RAB33A: variants seen among roughly 807,000 people sequenced by gnomAD.
RAB33A encodes the protein RAB33A, member RAS oncogene family.
RAB33A carries 6 observed loss-of-function variants against 12.0 expected under a neutral mutation model. The ratio of observed to expected loss-of-function variants is 0.50; its 90% CI spans 0.27 to 0.99. RAB33A has a LOEUF of 0.99. RAB33A is among the 50% of genes least tolerant of loss of function. The pLI, the probability that RAB33A is intolerant of heterozygous loss-of-function variation, is 0.11. For missense variants in RAB33A, 109 were observed against 192.0 expected, an observed-to-expected ratio of 0.57 and a Z score of 2.55; for synonymous variants, 70 against 82.4, an observed-to-expected ratio of 0.85 and a Z score of 0.81.
chrX:130,184,389 G>T lies in RAB33A; in HGVS notation c.363G>T (p.Lys121Asn). Reference sequence around the variant, plus strand: ...TGGTCTTCGTCTATGACGTCACCAAGATGACATCTTTCACCAACCTCAAAA... The same window carrying T: ...TGGTCTTCGTCTATGACGTCACCAATATGACATCTTTCACCAACCTCAAAA... Reference protein sequence around the residue: ...HAVVFVYDVTKMTSFTNLKMW... With the variant: ...HAVVFVYDVTNMTSFTNLKMW... The change falls in exon 2 of 2, where the codon AAG becomes AAT. Residue 121 changes from lysine (K) to asparagine (N), a missense_variant. Physicochemically the swap from Lys to Asn is moderately conservative, Grantham distance 94 (BLOSUM62 0). Transcript: ENST00000257017. The T allele has an allele frequency of 1.7e-6, 2 of 1,211,730 alleles. No individual in the cohort carries two copies. The highest frequency in any genetic ancestry group is 2.2e-6 in the Non-Finnish European group (2 of 895,289).
the RAB33A span, chrX:130,149,363 T>C: frequency 1.7e-5 from 11 of 652,988 alleles, no homozygotes; most frequent in Non-Finnish European, 2.8e-5. Flanking sequence ...TGCAATCTCA[T>C]ACCACCATTG....
chrX:130,180,547 C>T (rs929406483), intron 1 of RAB33A, among the ~76,000 whole-genome samples: 4 of 111,039 alleles, frequency 3.6e-5, no homozygotes, highest in Admixed American at 1.9e-4. Context: ...CTCCGTCTTC[C>T]GGGCTCATGC....
At chrX:130,180,433 T>A (rs1432814619) in intron 1 of RAB33A, among the ~76,000 whole-genome samples, 1 of 110,963 alleles carries the variant, frequency 9.0e-6, no homozygotes, top group African/African-American at 3.3e-5. Context: ...GCCACTATAC[T>A]CAGACTCCAA....
At chrX:130,135,438 T>TA in the RAB33A span, among the ~76,000 whole-genome samples, 254 of 22,999 alleles carry the variant, frequency 0.011, no homozygotes, top group East Asian at 0.029. Flanking sequence ...CTTTTTTTTT[T>TA]TAAAAAAAAA....
At chrX:130,181,601 A>T (rs1164276460) in intron 1 of RAB33A, among the ~76,000 whole-genome samples, 2 of 112,345 alleles carry the variant, frequency 1.8e-5, no homozygotes, top group African/African-American at 6.5e-5. Context: ...CCAAAAGCTG[A>T]GATACAGAAG....
At chrX:130,174,871 G>T (rs1159290236) in intron 1 of RAB33A, among the ~76,000 whole-genome samples, 1 of 110,597 alleles carries the variant, frequency 9.0e-6, no homozygotes, top group Non-Finnish European at 1.9e-5. Context: ...CATCCCTAGG[G>T]TATTGAAGCC....
the RAB33A span, among the ~76,000 whole-genome samples, chrX:130,160,703 C>T: frequency 9.0e-6 from 1 of 111,063 alleles, no homozygotes; most frequent in African/African-American, 3.3e-5. Context: ...CAGGCATGCA[C>T]CATCGTGCCC....
the RAB33A span, chrX:130,130,294 T>G: frequency 8.0e-6 from 6 of 754,284 alleles, no homozygotes; most frequent in African/African-American, 1.2e-4. Context: ...GAGGATTTAT[T>G]TCTCTATGCC....
the RAB33A span, among the ~76,000 whole-genome samples, chrX:130,126,496 G>GA: frequency 0.52 from 51,469 of 98,588 alleles, 11,815 homozygotes; most frequent in African/African-American, 0.8. Context: ...ATCTCAAAAA[G>GA]AAAAAAAAAA....
upstream of RAB33A, among the ~76,000 whole-genome samples, chrX:130,169,234 C>T (rs975939178): frequency 8.0e-4 from 87 of 108,501 alleles, no homozygotes; most frequent in Non-Finnish European, 1.2e-3. Flanking sequence ...AGTATCAATT[C>T]CAAAGTAAGG....
chrX:130,147,967 CA>C, the RAB33A span: 1 of 1,084,317 alleles, frequency 9.2e-7, no homozygotes, highest in Non-Finnish European at 1.3e-6. Flanking sequence ...GCACTTGTCT[CA>C]ATCCTCCACA....
At chrX:130,149,682 T>C in the RAB33A span, 4 of 582,447 alleles carry the variant, frequency 6.9e-6, no homozygotes, top group South Asian at 2.5e-5. Context: ...TTAGTTCCTC[T>C]ATGTCAAAAC....
intron 1 of RAB33A, among the ~76,000 whole-genome samples, chrX:130,176,290 A>C (rs1184949380): frequency 9.0e-6 from 1 of 111,676 alleles, no homozygotes; most frequent in African/African-American, 3.3e-5. Context: ...GTGTGTAGAG[A>C]GGGAGGGTAT....
chrX:130,184,349 G>A lies in RAB33A; in HGVS notation c.323G>A (p.Arg108His), dbSNP rs368461911. The change falls in exon 2 of 2, where the codon CGC becomes CAC. Residue 108 changes from arginine (R) to histidine (H), a missense_variant. By Grantham distance (29) the Arg-to-His change is conservative (BLOSUM62 0). Transcript: ENST00000257017. ...AAAAGCATGGTCGAGCATTACTACC[G>A]CAACGTACATGCCGTGGTCTTCGTC... is the stretch of plus-strand genomic sequence containing the variant. ...FRKSMVEHYY[R>H]NVHAVVFVYD... 252 of 1,210,442 alleles carry A rather than the reference G, an allele frequency of 2.1e-4. No individual in the cohort carries two copies. The highest frequency in any genetic ancestry group is 2.7e-4 in the Non-Finnish European group (238 of 895,308).
intron 1 of RAB33A, among the ~76,000 whole-genome samples, chrX:130,183,134 CT>C (rs2031749730): frequency 9.2e-6 from 1 of 108,314 alleles, no homozygotes; most frequent in African/African-American, 3.4e-5. Context: ...TCTCGAACTC[CT>C]GACCTCAGAT....
the RAB33A span, among the ~76,000 whole-genome samples, chrX:130,160,557 T>C: frequency 1.8e-5 from 2 of 112,073 alleles, no homozygotes; most frequent in South Asian, 3.6e-4. Flanking sequence ...CCTAATTCTA[T>C]TGATATTGAC....
chrX:130,139,743 T>A, the RAB33A span: 6 of 1,159,169 alleles, frequency 5.2e-6, no homozygotes, highest in Non-Finnish European at 7.1e-6. Flanking sequence ...ACTGCAAGAT[T>A]ATACTACTTC....
At chrX:130,156,961 A>G in the RAB33A span, among the ~76,000 whole-genome samples, 1 of 111,902 alleles carries the variant, frequency 8.9e-6, no homozygotes, top group Non-Finnish European at 1.9e-5. Flanking sequence ...TACAAAGTTA[A>G]CCATGGGCTA....
chrX:130,146,958 G>A, the RAB33A span, among the ~76,000 whole-genome samples: 1 of 111,970 alleles, frequency 8.9e-6, no homozygotes, highest in Admixed American at 9.5e-5. Flanking sequence ...TCAGGAGATC[G>A]AGACCATCTT....
Sources: gnomAD v4.1 joint callset for allele counts (sites outside exome capture counted in the v4.1 genomes callset) on GRCh38, gnomAD v4.1.1 for gene constraint, MANE v1.5 for transcripts, NCBI Gene and HGNC (gene_info 2026-07-23, HGNC 2026-07-21) for gene names.